Variants in CDCA7L observed in about 807,000 individuals in gnomAD.
CDCA7L encodes the protein cell division cycle-associated 7-like protein.
Under a neutral mutation model 57.4 loss-of-function variants are expected in CDCA7L, and 44 were observed. The ratio of observed to expected loss-of-function variants is 0.77; its 90% confidence interval spans 0.60 to 0.98. CDCA7L has a LOEUF of 0.98. Ranked by LOEUF, CDCA7L falls within the 50% of genes least tolerant of loss-of-function variation. The pLI is 0.00. For missense variants in CDCA7L, 644 were observed against 580.6 expected (o/e 1.11, Z -1.12); for synonymous variants, 236 against 202.8 (o/e 1.16, Z -1.39).
rs916701868 is a variant in CDCA7L, at chr7:21,902,174, T to TAAAC, written c.*144_*147dup. 17 of 779,938 alleles carry TAAAC rather than the reference T, an allele frequency of 2.2e-5. No individual in the cohort carries two copies. Among genetic ancestry groups the TAAAC allele is most frequent in the African/African-American group, 1.8e-4 (10 of 55,982 alleles). 48.3% of individuals were successfully genotyped at this position (779,938 alleles called of 1,614,324 possible). On this transcript the variant is annotated 3_prime_UTR_variant, in exon 10 of 10. Transcript: ENST00000406877. ...TTCCTGAGAAATCTTTGTAAGCATA[T>TAAAC]AAACAATCTTTAACAAAAAATAGTA...
chr7:21,945,736 A>G, intron 1 of CDCA7L, 45 bp downstream of exon 1: 1 of 1,600,890 alleles, frequency 6.2e-7, no homozygotes, highest in Non-Finnish European at 8.5e-7. Context: ...AAGGGAAGTC[A>G]AACTGTGGGT....
At chr7:21,938,479 A>G (rs570379238) in intron 1 of CDCA7L, among the ~76,000 whole-genome samples, 1 of 152,322 alleles carries the variant, frequency 6.6e-6, no homozygotes, top group African/African-American at 2.4e-5. Flanking sequence ...CCACTGTGCC[A>G]AACAGTATAG....
intron 6 of CDCA7L, 90 bp from the exon 7 acceptor site, chr7:21,905,721 A>G: frequency 1.5e-6 from 2 of 1,372,330 alleles, no homozygotes; most frequent in Non-Finnish European, 1.9e-6. Context: ...ATCTAGCACC[A>G]TTAATGTTAA....
intron 9 of CDCA7L, chr7:21,902,601 T>G: frequency 4.0e-6 from 2 of 502,422 alleles, no homozygotes; most frequent in Non-Finnish European, 7.1e-6. Context: ...ATGAAACTTG[T>G]AACTCACATT....
At chr7:21,929,972 T>C (rs183732975) in intron 1 of CDCA7L, among the ~76,000 whole-genome samples, 27 of 152,288 alleles carry the variant, frequency 1.8e-4, no homozygotes, top group African/African-American at 5.5e-4. Flanking sequence ...GCAGACCTAA[T>C]AGACATCTAC....
intron 1 of CDCA7L, among the ~76,000 whole-genome samples, chr7:21,919,122 ATTAT>A (rs936424273): frequency 5.3e-5 from 8 of 152,254 alleles, no homozygotes; most frequent in African/African-American, 1.9e-4. Flanking sequence ...CCTTGAATGA[ATTAT>A]TACATTAGGG....
intron 3 of CDCA7L, among the ~76,000 whole-genome samples, chr7:21,909,453 T>A (rs1207587531): frequency 6.6e-6 from 1 of 152,082 alleles, no homozygotes; most frequent in Non-Finnish European, 1.5e-5. Context: ...GTTCAGGGAC[T>A]CTGCTTCCTC....
At chr7:21,924,092 A>G (rs1425235295) in intron 1 of CDCA7L, among the ~76,000 whole-genome samples, 2 of 152,244 alleles carry the variant, frequency 1.3e-5, no homozygotes, top group African/African-American at 4.8e-5. Flanking sequence ...GAAATTAAGT[A>G]TAATATTTTT....
chr7:21,906,576 A>AGGTTGG lies in CDCA7L; in HGVS notation c.739_744dup (p.Pro247_Thr248dup). On this transcript the variant is annotated inframe_insertion, in exon 5 of 10. Coordinates refer to ENST00000406877, the MANE Select transcript of CDCA7L (RefSeq NM_018719.5). Reference sequence around the variant, plus strand: ...TAAGGAGTTCTACTTACAGAAGCTGAGGTTGGGGTTCGTACTGGGAAGAAA... The same window carrying AGGTTGG: ...TAAGGAGTTCTACTTACAGAAGCTGAGGTTGGGGTTGGGGTTCGTACTGGGAAGAAA... 1.2e-6 allele frequency: 2 copies of AGGTTGG among 1,614,158 alleles called. No homozygotes were observed. The highest frequency in any genetic ancestry group is 2.7e-5 in the African/African-American group (2 of 75,046).
chr7:21,922,102 G>A (rs188085549), intron 1 of CDCA7L, among the ~76,000 whole-genome samples: 32 of 152,206 alleles, frequency 2.1e-4, no homozygotes, highest in Admixed American at 1.2e-3. Context: ...ATTTTACTAG[G>A]AAAATACTAA....
rs557286550 is a variant in CDCA7L, at chr7:21,911,006, ATTTTTTTTTTTTTTTTTTTT to A, written c.303+591_303+610del. 7.3e-3 allele frequency among the ~76,000 whole-genome samples: 600 copies of A among 82,530 alleles called. 8 individuals carry two copies. The highest frequency in any genetic ancestry group is 0.033 in the African/African-American group (552 of 16,890). 54.1% of individuals were successfully genotyped at this position (82,530 alleles called of 152,430 possible). ...AGAGGTTTAAGGAACTCTTGAGATA[ATTTTTTTTTTTTTTTTTTTT>A]TTTTTTTTTTTTTTTTTTTTTGAGA... On this transcript the variant is annotated intron_variant, in intron 3 of 9. Coordinates refer to ENST00000406877, the MANE Select transcript of CDCA7L (RefSeq NM_018719.5).
intron 1 of CDCA7L, among the ~76,000 whole-genome samples, chr7:21,924,000 ACTGT>A (rs1427141218): frequency 5.9e-5 from 9 of 152,192 alleles, no homozygotes; most frequent in African/African-American, 2.2e-4. Context: ...AGATCATCAA[ACTGT>A]CAGTTGGTAT....
Position 21,901,172 on chromosome 7 carries a change from A to ACATCTGGACCTT in CDCA7L, c.*1138_*1149dup, listed in dbSNP as rs1562614696. The ACATCTGGACCTT allele has an allele frequency of 6.2e-7, 1 of 1,611,360 alleles. No homozygotes were observed. The highest frequency in any genetic ancestry group is 8.5e-7 in the Non-Finnish European group (1 of 1,177,688). On this transcript the variant is annotated 3_prime_UTR_variant, in exon 10 of 10. Transcript: ENST00000406877. ...AGAACCAAACTGAGAGGCCCCAGCT[A>ACATCTGGACCTT]CATCTGGACCTTCAGGCTGAAGAGC...
chr7:21,901,232 T>TGGCTCTGCTTCTAGAA lies in CDCA7L; in HGVS notation c.*1074_*1089dup. On this transcript the variant is annotated 3_prime_UTR_variant, in exon 10 of 10. Transcript: ENST00000406877. Reference sequence around the variant, plus strand: ...ACTGCAAAATGGGTTCTGGCTGGAGTGGCTCTGCTTCTAGAAGCGTAAGGT... The same window carrying TGGCTCTGCTTCTAGAA: ...ACTGCAAAATGGGTTCTGGCTGGAGTGGCTCTGCTTCTAGAAGGCTCTGCTTCTAGAAGCGTAAGGT... 1 of 1,608,794 alleles carries TGGCTCTGCTTCTAGAA rather than the reference T, an allele frequency of 6.2e-7. No homozygotes were observed. The highest frequency in any genetic ancestry group is 1.1e-5 in the South Asian group (1 of 90,346).
chr7:21,945,875 C>G lies in CDCA7L; in HGVS notation c.-71G>C. The stretch of plus-strand genomic sequence containing the variant: ...AGCCCGGACTCACCACGGCCCGGCG[C>G]ACCAAGAACGCCCCGCGCCCGAGCA... On this transcript the variant is annotated 5_prime_UTR_variant, in exon 1 of 10. Transcript: ENST00000406877. 1 of 1,510,792 alleles carries G rather than the reference C, an allele frequency of 6.6e-7. No homozygotes were observed. Among genetic ancestry groups the G allele is most frequent in the Non-Finnish European group, 8.9e-7 (1 of 1,122,392 alleles). 93.6% of individuals were successfully genotyped at this position (1,510,792 alleles called of 1,614,324 possible).
In CDCA7L at chr7:21,906,659, A is replaced by G; in HGVS notation, c.682-20T>C. The stretch of plus-strand genomic sequence containing the variant: ...GGCAAGCTGAAGTTCAGAACAAAAG[A>G]AAGAATCTTACAAAAATAGGGCTCC... On this transcript the variant is annotated intron_variant, in intron 4 of 9. Transcript: ENST00000406877. 6.2e-7 allele frequency: 1 copy of G among 1,612,860 alleles called. No homozygotes were observed. The highest frequency in any genetic ancestry group is 1.3e-5 in the African/African-American group (1 of 75,032).
At chr7:21,910,404 AAGCAGCCTAC>A (rs1785279045) in intron 3 of CDCA7L, among the ~76,000 whole-genome samples, 1 of 152,132 alleles carries the variant, frequency 6.6e-6, no homozygotes, top group Non-Finnish European at 1.5e-5. Context: ...CTATCAAACG[AAGCAGCCTAC>A]CATGCGGGCT....
intron 1 of CDCA7L, 107 bp from the exon 2 acceptor site, chr7:21,917,001 C>A: frequency 3.0e-6 from 4 of 1,344,290 alleles, no homozygotes; most frequent in South Asian, 1.3e-5. Context: ...CCAACTGCCA[C>A]GGTTGCCCAG....
rs760410302 is a variant in CDCA7L, at chr7:21,903,119, C to G, written c.1198-5G>C. Reference sequence around the variant, plus strand: ...ACAGGGGGGACACACCCAATCCTAACAGAGAGATGACAGCAGACACTTCGC... The same window carrying G: ...ACAGGGGGGACACACCCAATCCTAAGAGAGAGATGACAGCAGACACTTCGC... On this transcript the variant is annotated splice_region_variant and splice_polypyrimidine_tract_variant and intron_variant, in intron 8 of 9. Transcript: ENST00000406877. 12 of 1,612,618 alleles carry G rather than the reference C, an allele frequency of 7.4e-6. No homozygotes were observed. Among genetic ancestry groups the G allele is most frequent in the Non-Finnish European group, 1.0e-5 (12 of 1,179,520 alleles).
Sources: allele counts gnomAD v4.1 joint callset (sites outside exome capture counted in the v4.1 genomes callset), GRCh38; gene constraint gnomAD v4.1.1; transcripts MANE v1.5; gene names NCBI Gene and HGNC (gene_info 2026-07-23, HGNC 2026-07-21).